The following OPCML variants were observed in gnomAD, a reference collection of about 807,000 sequenced individuals.
OPCML encodes opioid-binding protein/cell adhesion molecule.
A neutral mutation model predicts 37.8 loss-of-function variants in OPCML; 13 were observed. That is an observed-to-expected ratio of 0.34 (90% CI 0.22 to 0.55). The LOEUF (loss-of-function observed/expected upper bound fraction) is 0.55, where lower values mean the gene tolerates loss of function less well. OPCML is among the 20% of genes least tolerant of loss of function. The pLI, the probability that OPCML is intolerant of heterozygous loss-of-function variation, is 0.91. For missense variants in OPCML, 341 were observed against 435.6 expected (o/e 0.78, Z 1.93); for synonymous variants, 176 against 168.8 (o/e 1.04, Z -0.33).
At chr11:132,579,072 C>T (rs1375883225) in intron 3 of OPCML, among the ~76,000 whole-genome samples, 1 of 152,138 alleles carries the variant, frequency 6.6e-6, no homozygotes, top group Non-Finnish European at 1.5e-5. Flanking sequence ...TTTATCTCTG[C>T]CATTTTTCTA....
chr11:132,603,096 T>G (rs1216756877), intron 3 of OPCML, among the ~76,000 whole-genome samples: 1 of 152,188 alleles, frequency 6.6e-6, no homozygotes, highest in Non-Finnish European at 1.5e-5. Context: ...CCATCCTAGT[T>G]TGCTCTTCAT....
intron 1 of OPCML, among the ~76,000 whole-genome samples, chr11:133,100,974 G>C (rs1220691785): frequency 6.6e-6 from 1 of 152,136 alleles, no homozygotes; most frequent in Non-Finnish European, 1.5e-5. Flanking sequence ...GCCCAGGCTG[G>C]AGTGCAGTGG....
intron 1 of OPCML, among the ~76,000 whole-genome samples, chr11:133,285,614 C>A (rs553474017): frequency 6.6e-6 from 1 of 152,300 alleles, no homozygotes; most frequent in East Asian, 1.9e-4. Context: ...AGGAGTGCTA[C>A]GTCTCCAATT....
At chr11:132,785,665 T>C (rs2853047) in intron 2 of OPCML, among the ~76,000 whole-genome samples, 114,965 of 152,136 alleles carry the variant, frequency 0.76, 44,494 homozygotes, top group Non-Finnish European at 0.82. Flanking sequence ...CTAATGTCAG[T>C]AACTCTGTGC....
chr11:133,494,198 G>T (rs7125532), intron 1 of OPCML, among the ~76,000 whole-genome samples: 58,967 of 151,796 alleles, frequency 0.39, 14,857 homozygotes, highest in African/African-American at 0.72. Flanking sequence ...TTAGAATGGC[G>T]ATCATTAAAA....
intron 4 of OPCML, among the ~76,000 whole-genome samples, chr11:132,454,963 A>G (rs976043067): frequency 2.6e-5 from 4 of 152,202 alleles, no homozygotes; most frequent in Non-Finnish European, 5.9e-5. Flanking sequence ...ACATCTGACT[A>G]ACCTTTTCCT....
At chr11:132,691,433 T>C (rs139805586) in intron 2 of OPCML, among the ~76,000 whole-genome samples, 623 of 152,340 alleles carry the variant, frequency 4.1e-3, no homozygotes, top group Non-Finnish European at 6.1e-3. Flanking sequence ...TATTTGCAAT[T>C]GTGTCAACTT....
chr11:132,755,231 C>T (rs1041164164), intron 2 of OPCML, among the ~76,000 whole-genome samples: 9 of 152,206 alleles, frequency 5.9e-5, no homozygotes, highest in Non-Finnish European at 1.2e-4. Flanking sequence ...CTTCATCTTT[C>T]TTCTTGCAAT....
chr11:132,819,066 T>G (rs1939817549), intron 2 of OPCML, among the ~76,000 whole-genome samples: 1 of 151,504 alleles, frequency 6.6e-6, no homozygotes, highest in African/African-American at 2.4e-5. Flanking sequence ...TTGTGTGCTA[T>G]GTATGGATTA....
chr11:132,611,113 T>C (rs1281361056), intron 3 of OPCML, among the ~76,000 whole-genome samples: 1 of 152,232 alleles, frequency 6.6e-6, no homozygotes, highest in Non-Finnish European at 1.5e-5. Context: ...AAGACCTAGC[T>C]CATTTGGTTT....
chr11:132,735,125 G>A (rs937658066), intron 2 of OPCML, among the ~76,000 whole-genome samples: 5 of 152,124 alleles, frequency 3.3e-5, no homozygotes, highest in African/African-American at 9.7e-5. Context: ...GACCCAGAGC[G>A]TACTGGTTTT....
chr11:133,308,486 G>A (rs986770754), intron 1 of OPCML, among the ~76,000 whole-genome samples: 21 of 152,104 alleles, frequency 1.4e-4, no homozygotes, highest in Non-Finnish European at 2.9e-4. Flanking sequence ...GCTGAGTAGA[G>A]TCAAAGCTAT....
At chr11:132,827,171 T>C (rs1313843059) in intron 2 of OPCML, among the ~76,000 whole-genome samples, 1 of 152,092 alleles carries the variant, frequency 6.6e-6, no homozygotes, top group African/African-American at 2.4e-5. Flanking sequence ...ATATATCCGA[T>C]GAAAGATATA....
intron 1 of OPCML, among the ~76,000 whole-genome samples, chr11:133,226,823 C>A (rs1023768105): frequency 1.3e-5 from 2 of 152,054 alleles, no homozygotes; most frequent in African/African-American, 4.8e-5. Flanking sequence ...CCCAGAGGAG[C>A]CCAAACCAGC....
rs563644309 is a variant in OPCML, at chr11:133,268,433, C to A, written c.61+263831G>T. Among the ~76,000 whole-genome samples the A allele has an allele frequency of 1.2e-3, 176 of 152,276 alleles. 1 individual carries two copies. Among genetic ancestry groups the A allele is most frequent in the Admixed American group, 0.011 (173 of 15,294 alleles). On this transcript the variant is annotated intron_variant, in intron 1 of 7. Transcript: ENST00000524381. ...CTGAGTCTACTTTATGAGGAGAAAA[C>A]TGATTTTCTTTTTAGATACAAATAT...
intron 2 of OPCML, among the ~76,000 whole-genome samples, chr11:132,659,494 T>C (rs552496402): frequency 6.6e-6 from 1 of 152,308 alleles, no homozygotes; most frequent in African/African-American, 2.4e-5. Flanking sequence ...GGCGTGATGT[T>C]CCAGTCGCTT....
intron 4 of OPCML, among the ~76,000 whole-genome samples, chr11:132,471,864 C>A (rs922907754): frequency 1.1e-4 from 17 of 152,200 alleles, no homozygotes; most frequent in African/African-American, 4.1e-4. Flanking sequence ...AATGAGAACT[C>A]CAGCCCACAT....
In OPCML at chr11:133,177,371, C is replaced by A. The variant is rs1460702067; in HGVS notation, c.62-234361G>T. Among the ~76,000 whole-genome samples, 2 of 152,052 alleles carry A rather than the reference C, an allele frequency of 1.3e-5. No individual in the cohort carries two copies. Among genetic ancestry groups the A allele is most frequent in the African/African-American group, 4.8e-5 (2 of 41,398 alleles). Reference sequence around the variant, plus strand: ...AGAGGGCTATAAATTCTGGCAGAACCCTGAGGAAATCAGTAATCTTGAACC... The same window carrying A: ...AGAGGGCTATAAATTCTGGCAGAACACTGAGGAAATCAGTAATCTTGAACC... On this transcript the variant is annotated intron_variant, in intron 1 of 7. Transcript: ENST00000524381. This position sits in a 1 kb window ranked among gnomAD's most constrained non-coding sequence, Gnocchi z 5.0.
chr11:133,237,046 C>T (rs1022309875), intron 1 of OPCML, among the ~76,000 whole-genome samples: 4 of 152,088 alleles, frequency 2.6e-5, no homozygotes, highest in South Asian at 2.1e-4. Flanking sequence ...TTTACAGCAC[C>T]GAGGAACAAA....
Sources: allele counts gnomAD v4.1 joint callset (sites outside exome capture counted in the v4.1 genomes callset), GRCh38; gene constraint gnomAD v4.1.1; non-coding constraint Gnocchi (gnomAD v3.1); transcripts MANE v1.5; gene names NCBI Gene and HGNC (gene_info 2026-07-23, HGNC 2026-07-21).